The following FAF1 variants were observed in gnomAD, a reference collection of about 807,000 sequenced individuals.
FAF1 encodes Fas associated factor 1.
In FAF1, 25 loss-of-function variants were observed where a neutral mutation model predicts 92.5. The ratio of observed to expected loss-of-function variants is 0.27; its 90% CI spans 0.20 to 0.38. The LOEUF is 0.38. Ranked by LOEUF, FAF1 falls within the 10% of genes least tolerant of loss-of-function variation. The pLI, the probability that FAF1 is intolerant of heterozygous loss-of-function variation, is 1.00. For synonymous variants in FAF1, 234 were observed against 273.2 expected (o/e 0.86, Z 1.42); for missense variants, 636 against 793.3 (o/e 0.80, Z 2.38).
At chr1:50,756,162 G>A (rs1660066579) in intron 4 of FAF1, among the ~76,000 whole-genome samples, 1 of 152,118 alleles carries the variant, frequency 6.6e-6, no homozygotes, top group Admixed American at 6.5e-5. Context: ...GAACTTACAT[G>A]CTCTGCTTCC....
At chr1:50,812,767 C>A (rs923895228) in intron 2 of FAF1, among the ~76,000 whole-genome samples, 2 of 152,076 alleles carry the variant, frequency 1.3e-5, no homozygotes, top group Non-Finnish European at 2.9e-5. Context: ...AAGATACATG[C>A]GTGTATCTGT....
chr1:50,877,982 C>T (rs1406793876), intron 1 of FAF1, among the ~76,000 whole-genome samples: 1 of 152,208 alleles, frequency 6.6e-6, no homozygotes, highest in Admixed American at 6.5e-5. Context: ...TGCTCTAAGA[C>T]TGGTTTTACC....
intron 4 of FAF1, among the ~76,000 whole-genome samples, chr1:50,778,470 T>C (rs1040827813): frequency 3.3e-5 from 5 of 152,146 alleles, no homozygotes; most frequent in African/African-American, 1.2e-4. Context: ...AACTTACTAA[T>C]AGCCTACTGT....
intron 6 of FAF1, among the ~76,000 whole-genome samples, chr1:50,708,662 G>A (rs193162185): frequency 1.3e-5 from 2 of 152,134 alleles, no homozygotes; most frequent in Admixed American, 1.3e-4. Flanking sequence ...AAGTGACACA[G>A]ACAAAAGAGA....
At chr1:50,826,071 T>C (rs1220272867) in intron 2 of FAF1, among the ~76,000 whole-genome samples, 1 of 152,124 alleles carries the variant, frequency 6.6e-6, no homozygotes, top group African/African-American at 2.4e-5. Context: ...TATGAAGACT[T>C]CAAGAAATGA....
At chr1:50,942,830 A>G (rs1172997254) in intron 1 of FAF1, among the ~76,000 whole-genome samples, 4 of 151,798 alleles carry the variant, frequency 2.6e-5, no homozygotes, top group African/African-American at 9.7e-5. Context: ...AGAGTGGGCC[A>G]TACATCATGG....
chr1:50,650,083 G>A (rs757968990), intron 8 of FAF1, among the ~76,000 whole-genome samples: 5 of 151,362 alleles, frequency 3.3e-5, no homozygotes, highest in Non-Finnish European at 4.4e-5. Flanking sequence ...TCGGGAGTTC[G>A]AGACCAGCCT....
At chr1:50,467,668 T>C (rs147224371) in intron 18 of FAF1, among the ~76,000 whole-genome samples, 1 of 152,252 alleles carries the variant, frequency 6.6e-6, no homozygotes, top group East Asian at 1.9e-4. Flanking sequence ...CTTATTTGGC[T>C]CAGGAAGCAT....
At chr1:50,682,085 T>C (rs757971119) in intron 7 of FAF1, among the ~76,000 whole-genome samples, 5 of 149,972 alleles carry the variant, frequency 3.3e-5, no homozygotes, top group Non-Finnish European at 7.4e-5. Context: ...TCCACCCACT[T>C]TGGCCTCCCA....
chr1:50,959,863 A>C lies in FAF1; in HGVS notation c.-52T>G. ...GGAGCGAAGCGCGCACCTGGGAGGC[A>C]GACGGCACCTCCTGCGACCGTCGCC... On this transcript the variant is annotated 5_prime_UTR_variant, in exon 1 of 19. Coordinates refer to ENST00000396153, the MANE Select transcript of FAF1 (RefSeq NM_007051.3). 7.0e-7 allele frequency: 1 copy of C among 1,427,542 alleles called. No individual in the cohort carries two copies. Among genetic ancestry groups the C allele is most frequent in the South Asian group, 1.3e-5 (1 of 76,208 alleles). 88.4% of individuals were successfully genotyped at this position (1,427,542 alleles called of 1,614,324 possible).
At chr1:50,701,883 A>C (rs12067210) in intron 7 of FAF1, among the ~76,000 whole-genome samples, 1 of 152,052 alleles carries the variant, frequency 6.6e-6, no homozygotes, top group African/African-American at 2.4e-5. Context: ...TAAATCAACA[A>C]TAATAAGAAC....
intron 8 of FAF1, among the ~76,000 whole-genome samples, chr1:50,612,696 G>C (rs1050916197): frequency 6.6e-6 from 1 of 152,128 alleles, no homozygotes; most frequent in Non-Finnish European, 1.5e-5. Context: ...AGTGCTGCTG[G>C]GCATCTTGTC....
At chr1:50,509,306 A>C (rs1222942056) in intron 15 of FAF1, among the ~76,000 whole-genome samples, 1 of 152,182 alleles carries the variant, frequency 6.6e-6, no homozygotes, top group African/African-American at 2.4e-5. Flanking sequence ...AAAAATGTTA[A>C]AATTGGCACT....
At chr1:50,535,495 T>C in intron 14 of FAF1, 38 bp from the exon 15 acceptor site, 1 of 1,180,418 alleles carries the variant, frequency 8.5e-7, no homozygotes, top group Non-Finnish European at 1.3e-6. Context: ...TTTATAATCA[T>C]TTTATATATA....
intron 4 of FAF1, among the ~76,000 whole-genome samples, chr1:50,786,639 A>G (rs1661375161): frequency 6.6e-6 from 1 of 152,206 alleles, no homozygotes; most frequent in African/African-American, 2.4e-5. Flanking sequence ...GGGGCATGCA[A>G]ATGGGTACAG....
chr1:50,831,464 T>A (rs548489996), intron 2 of FAF1, among the ~76,000 whole-genome samples: 2 of 152,316 alleles, frequency 1.3e-5, no homozygotes, highest in African/African-American at 4.8e-5. Context: ...ACATCTGCCT[T>A]CCAGTGACAC....
In FAF1 at chr1:50,869,908, G is replaced by A. The variant is rs191560497; in HGVS notation, c.46-11911C>T. 7.2e-4 allele frequency among the ~76,000 whole-genome samples: 109 copies of A among 152,278 alleles called. 1 individual carries two copies. Among genetic ancestry groups the A allele is most frequent in the Admixed American group, 5.4e-3 (83 of 15,292 alleles). ...TATGATTTTGGCATCTGCTGAATGT[G>A]ATTGTGGCTTCTCCTGTGGTATATA... On this transcript the variant is annotated intron_variant, in intron 1 of 18. Transcript: ENST00000396153.
chr1:50,552,726 T>G (rs905702911), intron 13 of FAF1, among the ~76,000 whole-genome samples: 1 of 152,110 alleles, frequency 6.6e-6, no homozygotes, highest in Non-Finnish European at 1.5e-5. Flanking sequence ...TCTGATAACT[T>G]CTTTTATTCT....
At chr1:50,819,298 G>A (rs1415038002) in intron 2 of FAF1, among the ~76,000 whole-genome samples, 3 of 151,810 alleles carry the variant, frequency 2.0e-5, no homozygotes, top group Non-Finnish European at 4.4e-5. Context: ...AATTCATAGG[G>A]CTATCTACAT....
Sources: allele counts gnomAD v4.1 joint callset (sites outside exome capture counted in the v4.1 genomes callset), GRCh38; gene constraint gnomAD v4.1.1; transcripts MANE v1.5; gene names NCBI Gene and HGNC (gene_info 2026-07-23, HGNC 2026-07-21).